MAST2: variants seen among roughly 807,000 people sequenced by gnomAD.
MAST2 encodes the protein microtubule-associated serine/threonine-protein kinase 2.
Under a neutral mutation model 147.4 loss-of-function variants are expected in MAST2, and 70 were observed. The observed-to-expected ratio is 0.47, with a 90% CI of 0.39 to 0.58. The LOEUF (loss-of-function observed/expected upper bound fraction) is 0.58, where lower values mean the gene tolerates loss of function less well. Ranked by LOEUF, MAST2 falls within the 20% of genes least tolerant of loss-of-function variation. MAST2 has a pLI of 0.00. For missense variants in MAST2, 2,080 were observed against 2,302.3 expected, an observed-to-expected ratio of 0.90 and a Z score of 1.98; for synonymous variants, 869 against 896.8, an observed-to-expected ratio of 0.97 and a Z score of 0.55.
At chr1:46,024,926 G>C (rs369313523) in intron 15 of MAST2, among the ~76,000 whole-genome samples, 1 of 152,232 alleles carries the variant, frequency 6.6e-6, no homozygotes, top group African/African-American at 2.4e-5. Flanking sequence ...ACAGTTCCAT[G>C]TGGCTGGGGA....
chr1:46,020,379 T>C lies in MAST2; in HGVS notation c.1290+682T>C, dbSNP rs1186362775. Among the ~76,000 whole-genome samples, 4 of 152,128 alleles carry C rather than the reference T, an allele frequency of 2.6e-5. No individual in the cohort carries two copies. The East Asian group carries it at 5.8e-4, about 22-fold the overall frequency. ...GCACAGGGTGGGTTTGAAGAAGTGC[T>C]GAGGGGTAAGCCTGGAAGGTAGGCT... is the stretch of plus-strand genomic sequence containing the variant. On this transcript the variant is annotated intron_variant, in intron 11 of 28. Coordinates refer to ENST00000361297, the MANE Select transcript of MAST2 (RefSeq NM_015112.3).
intron 15 of MAST2, among the ~76,000 whole-genome samples, chr1:46,025,143 AC>A (rs769036484): frequency 6.6e-6 from 1 of 151,850 alleles, no homozygotes; most frequent in Non-Finnish European, 1.5e-5. Flanking sequence ...ACATGGCGAA[AC>A]CCCGTCTCTA....
chr1:45,902,511 A>G (rs1649954800), intron 4 of MAST2, among the ~76,000 whole-genome samples: 1 of 151,686 alleles, frequency 6.6e-6, no homozygotes, highest in Non-Finnish European at 1.5e-5. Context: ...CTAGGGAAGA[A>G]TCCCTCATAC....
At chr1:45,845,162 A>G (rs1480059449) in intron 3 of MAST2, among the ~76,000 whole-genome samples, 2 of 152,150 alleles carry the variant, frequency 1.3e-5, no homozygotes, top group African/African-American at 2.4e-5. Context: ...ATCTTACTGA[A>G]TTTGTTGATG....
intron 1 of MAST2, among the ~76,000 whole-genome samples, chr1:45,818,362 T>A (rs1644520024): frequency 6.6e-6 from 1 of 152,214 alleles, no homozygotes; most frequent in South Asian, 2.1e-4. Context: ...TTGGAGCTTC[T>A]TCTCAGTCCA....
chr1:45,873,826 G>GT (rs1646494599), intron 3 of MAST2, among the ~76,000 whole-genome samples: 1 of 151,944 alleles, frequency 6.6e-6, no homozygotes. Context: ...GTTTGTTTTT[G>GT]TTTTTTCTTC....
Position 46,033,957 on chromosome 1 carries a change from A to G in MAST2, c.3674+19A>G. The G allele has an allele frequency of 3.1e-6, 5 of 1,613,692 alleles. No individual in the cohort carries two copies. The highest frequency in any genetic ancestry group is 4.2e-6 in the Non-Finnish European group (5 of 1,179,646). On this transcript the variant is annotated intron_variant, in intron 27 of 28. Coordinates refer to ENST00000361297, the MANE Select transcript of MAST2 (RefSeq NM_015112.3). ...AAGAAAGGTGAGCCAGGCGCAGTGA[A>G]GAGGGTTTTCTCTGAGCCACATGAG...
chr1:45,827,071 G>T (rs976188531), intron 2 of MAST2, among the ~76,000 whole-genome samples: 4 of 151,696 alleles, frequency 2.6e-5, no homozygotes, highest in African/African-American at 9.7e-5. Flanking sequence ...CTCGTGATCC[G>T]CCTGCCTCGG....
chr1:45,883,943 T>A (rs1646968004), intron 4 of MAST2, among the ~76,000 whole-genome samples: 2 of 103,040 alleles, frequency 1.9e-5, no homozygotes, highest in Admixed American at 1.4e-4. Context: ...TTGCTTCTAT[T>A]TGAAAACTGC....
chr1:45,980,707 T>A (rs1260529718), intron 5 of MAST2, among the ~76,000 whole-genome samples: 2 of 152,024 alleles, frequency 1.3e-5, no homozygotes, highest in African/African-American at 4.8e-5. Flanking sequence ...ACTAATTTTT[T>A]AATTTTTTTG....
At chr1:45,940,698 C>T (rs1434138031) in intron 4 of MAST2, among the ~76,000 whole-genome samples, 1 of 151,142 alleles carries the variant, frequency 6.6e-6, no homozygotes, top group Non-Finnish European at 1.5e-5. Context: ...CGGCTCACTG[C>T]AATCTCCGCC....
At chr1:45,909,455 A>G (rs1651311556) in intron 4 of MAST2, among the ~76,000 whole-genome samples, 2 of 152,080 alleles carry the variant, frequency 1.3e-5, no homozygotes, top group Admixed American at 6.6e-5. Context: ...GAATCTGGCT[A>G]AATATTGTAT....
chr1:45,939,520 G>C (rs1656834479), intron 4 of MAST2, among the ~76,000 whole-genome samples: 1 of 124,552 alleles, frequency 8.0e-6, no homozygotes, highest in African/African-American at 3.0e-5. Flanking sequence ...TAAGTATGAG[G>C]ATCAATTTTT....
At chr1:46,014,214 G>A (rs902692241) in intron 10 of MAST2, among the ~76,000 whole-genome samples, 3 of 151,542 alleles carry the variant, frequency 2.0e-5, no homozygotes, top group Non-Finnish European at 4.4e-5. Flanking sequence ...TAGGGTACAT[G>A]TGCACAATGT....
intron 5 of MAST2, among the ~76,000 whole-genome samples, chr1:45,983,531 C>T (rs1644496608): frequency 6.7e-6 from 1 of 149,952 alleles, no homozygotes; most frequent in Non-Finnish European, 1.5e-5. Context: ...TACTCTGTTA[C>T]CCAGGCTGGA....
At chr1:45,899,751 A>G (rs1331593873) in intron 4 of MAST2, among the ~76,000 whole-genome samples, 1 of 152,144 alleles carries the variant, frequency 6.6e-6, no homozygotes, top group African/African-American at 2.4e-5. Flanking sequence ...TATTGTGAAT[A>G]GTGCTGCGAT....
At chr1:45,965,482 C>T (rs887603511) in intron 5 of MAST2, among the ~76,000 whole-genome samples, 2 of 152,012 alleles carry the variant, frequency 1.3e-5, no homozygotes, top group East Asian at 3.9e-4. Flanking sequence ...TATGTAATGG[C>T]CTTCTTTGTC....
intron 5 of MAST2, among the ~76,000 whole-genome samples, chr1:45,960,035 A>T (rs1470550993): frequency 6.6e-6 from 1 of 152,056 alleles, no homozygotes; most frequent in African/African-American, 2.4e-5. Context: ...CCTCCAAAGT[A>T]CTGGGATTAT....
chr1:45,822,828 A>G (rs935925512), intron 1 of MAST2, among the ~76,000 whole-genome samples: 1 of 152,202 alleles, frequency 6.6e-6, no homozygotes. Flanking sequence ...TCCTTGATCC[A>G]TAGGTACTGT....
Sources: gnomAD v4.1 joint callset for allele counts (sites outside exome capture counted in the v4.1 genomes callset) on GRCh38, gnomAD v4.1.1 for gene constraint, MANE v1.5 for transcripts, NCBI Gene and HGNC (gene_info 2026-07-23, HGNC 2026-07-21) for gene names.